Variants in CD82 observed in about 807,000 individuals in gnomAD.
CD82 encodes the protein CD82 molecule, also known as CD82 antigen.
In CD82, 36 loss-of-function variants were observed where a neutral mutation model predicts 37.4. The observed-to-expected ratio is 0.96, with a 90% CI of 0.74 to 1.27. CD82 has a LOEUF of 1.27. Among genes scored for constraint, CD82 ranks in the 50% most tolerant of loss-of-function variants. CD82 has a pLI of 0.00. For synonymous variants in CD82, 158 were observed against 137.4 expected (o/e 1.15, Z -1.05); for missense variants, 340 against 347.0 (o/e 0.98, Z 0.16).
At chr11:44,567,698 A>C (rs1051024529) in intron 1 of CD82, among the ~76,000 whole-genome samples, 5 of 151,658 alleles carry the variant, frequency 3.3e-5, no homozygotes, top group Non-Finnish European at 7.4e-5. Context: ...CCCCACCACC[A>C]CCCCCACTTC....
rs1853603118 is a variant in CD82 at position 44,618,547 on chromosome 11, T to G, written c.643-93T>G. 2.5e-6 allele frequency: 3 copies of G among 1,190,980 alleles called. No homozygotes were observed. The South Asian group carries it at 3.7e-5, about 15-fold the overall frequency. The allele number at this position is 1,190,980 out of a possible 1,614,324, so 73.8% of individuals were successfully genotyped here. On this transcript the variant is annotated intron_variant, in intron 8 of 9. Coordinates refer to ENST00000227155, the MANE Select transcript of CD82 (RefSeq NM_002231.4). ...AACAGGCAGAGCCCTCTGTAGGGGCTTCCGGGCTGGGACTGGGGGGCTCTC... is the reference window on the plus strand; with the variant it reads ...AACAGGCAGAGCCCTCTGTAGGGGCGTCCGGGCTGGGACTGGGGGGCTCTC...
At chr11:44,574,397 C>G (rs866749202) in intron 1 of CD82, among the ~76,000 whole-genome samples, 1 of 152,276 alleles carries the variant, frequency 6.6e-6, no homozygotes, top group Middle Eastern at 3.4e-3. Flanking sequence ...GCAAACCCAC[C>G]CACCCTTGGC....
intron 6 of CD82, among the ~76,000 whole-genome samples, chr11:44,612,375 G>C (rs1172931414): frequency 6.6e-6 from 1 of 152,136 alleles, no homozygotes; most frequent in Non-Finnish European, 1.5e-5. Flanking sequence ...GAATACCTAG[G>C]CCATAGGTCT....
At chr11:44,587,777 C>A (rs1853078488) in intron 2 of CD82, 7 of 367,814 alleles carry the variant, frequency 1.9e-5, no homozygotes, top group Non-Finnish European at 3.8e-5. Flanking sequence ...CAGAGCTGGC[C>A]CAGGGTTGAG....
In CD82 at chr11:44,618,119, G is replaced by C. The variant is rs376302357; in HGVS notation, c.439-43G>C. 3 of 1,588,654 alleles carry C rather than the reference G, an allele frequency of 1.9e-6. No individual in the cohort carries two copies. The African/African-American group carries it at 4.0e-5, about 21-fold the overall frequency. On this transcript the variant is annotated intron_variant, in intron 7 of 9. Transcript: ENST00000227155. ...TCTGCCAGGAGGGCAGCCTGCCTAG[G>C]GTGAGCCGTGAGCACAAGCAGTCTG...
chr11:44,572,014 A>G (rs1206559251), intron 1 of CD82, among the ~76,000 whole-genome samples: 6 of 152,216 alleles, frequency 3.9e-5, no homozygotes, highest in African/African-American at 1.2e-4. Context: ...TTGGGCTACA[A>G]AACTATATTA....
At chr11:44,579,945 A>C (rs1374676291) in intron 1 of CD82, among the ~76,000 whole-genome samples, 3 of 152,142 alleles carry the variant, frequency 2.0e-5, no homozygotes, top group Non-Finnish European at 4.4e-5. Context: ...AGGATGTTAA[A>C]GGGAGAGACT....
At chr11:44,574,041 G>A (rs1351698878) in intron 1 of CD82, among the ~76,000 whole-genome samples, 3 of 152,176 alleles carry the variant, frequency 2.0e-5, no homozygotes, top group Non-Finnish European at 2.9e-5. Flanking sequence ...CGAAGGCTGA[G>A]GTCCCTGATC....
intron 7 of CD82, 113 bp from the exon 8 acceptor site, chr11:44,618,049 C>A: frequency 2.4e-6 from 2 of 823,602 alleles, no homozygotes; most frequent in Non-Finnish European, 1.9e-6. Flanking sequence ...GGACCAGGGG[C>A]CTGGAAGTGG....
intron 1 of CD82, among the ~76,000 whole-genome samples, chr11:44,576,422 C>A (rs1256958916): frequency 2.0e-5 from 3 of 152,174 alleles, no homozygotes; most frequent in Non-Finnish European, 4.4e-5. Context: ...CTGAAAGGGG[C>A]AGAGCTGGGC....
intron 4 of CD82, 112 bp downstream of exon 4, chr11:44,600,342 G>A (rs1025681764): frequency 2.4e-5 from 24 of 990,820 alleles, no homozygotes; most frequent in Middle Eastern, 2.1e-4. Flanking sequence ...TGCTTTTCCC[G>A]CTGACCTCAG....
chr11:44,565,310 G>A (rs1308514474), upstream of CD82, among the ~76,000 whole-genome samples: 1 of 152,220 alleles, frequency 6.6e-6, no homozygotes, highest in Non-Finnish European at 1.5e-5. Context: ...AGGAGACCGG[G>A]AGGACGAGGT....
At position 44,618,640 on chromosome 11, in the gene CD82, G is replaced by C; in HGVS notation, c.643G>C (p.Gly215Arg). ...ATGTGACCGCATTCTGCCCTTGCAG[G>C]GCTGCATGGAGAAGGTGCAGGCGTG... ...HPEDWPVYQE[G>R]CMEKVQAWLQ... is the part of the protein sequence containing the mutation. Residue 215 changes from glycine (G) to arginine (R), a missense_variant and splice_region_variant, in exon 9 of 10, where the codon GGC becomes CGC. Transcript: ENST00000227155. 12 of 1,609,270 alleles carry C rather than the reference G, an allele frequency of 7.5e-6. No homozygotes were observed. The highest frequency in any genetic ancestry group is 1.0e-5 in the Non-Finnish European group (12 of 1,178,292).
At chr11:44,585,543 A>G (rs928591460) in intron 1 of CD82, among the ~76,000 whole-genome samples, 55 of 152,140 alleles carry the variant, frequency 3.6e-4, no homozygotes, top group African/African-American at 1.3e-3. Context: ...CCTGATGGCG[A>G]TTCATCTTCA....
intron 6 of CD82, among the ~76,000 whole-genome samples, chr11:44,611,660 T>C (rs796855161): frequency 5.9e-5 from 9 of 152,192 alleles, no homozygotes; most frequent in African/African-American, 2.2e-4. Context: ...TGTCTTCTCC[T>C]GCTACCTCCC....
intron 1 of CD82, among the ~76,000 whole-genome samples, chr11:44,579,660 T>G (rs1852952677): frequency 6.6e-6 from 1 of 152,164 alleles, no homozygotes. Flanking sequence ...GGTTTCCTTT[T>G]GTTACCAGTG....
At position 44,587,088 on chromosome 11, in the gene CD82, G is replaced by C. The variant is rs992227060; in HGVS notation, c.-102-387G>C. ...CCTGATGACTTGGTTGGGGCAGGGG[G>C]CCTGGGCATGGCCTATGTTGATTGT... On this transcript the variant is annotated intron_variant, in intron 1 of 9. Transcript: ENST00000227155. 1.2e-5 allele frequency: 3 copies of C among 247,016 alleles called. No homozygotes were observed. In the Admixed American group the frequency reaches 1.4e-4, roughly 11 times the overall value. 15.3% of individuals were successfully genotyped at this position (247,016 alleles called of 1,614,324 possible).
At chr11:44,613,678 C>T (rs2134689362) in intron 6 of CD82, among the ~76,000 whole-genome samples, 1 of 152,180 alleles carries the variant, frequency 6.6e-6, no homozygotes. Flanking sequence ...CAAAAATTAG[C>T]CGGGCATGGT....
At chr11:44,587,123 C>T (rs1471044988) in intron 1 of CD82, 1 of 302,922 alleles carries the variant, frequency 3.3e-6, no homozygotes, top group Non-Finnish European at 6.6e-6. Flanking sequence ...TAATGAGGAG[C>T]TGGAGTTGAG....
Sources: gnomAD v4.1 joint callset for allele counts (sites outside exome capture counted in the v4.1 genomes callset) on GRCh38, gnomAD v4.1.1 for gene constraint, MANE v1.5 for transcripts, NCBI Gene and HGNC (gene_info 2026-07-23, HGNC 2026-07-21) for gene names.